Variants in DPF3 observed in about 807,000 individuals in gnomAD.
The protein encoded by DPF3 is zinc finger protein DPF3.
In DPF3, 18 loss-of-function variants were observed where a neutral mutation model predicts 56.8. That is an observed-to-expected ratio of 0.32 (90% confidence interval 0.22 to 0.47). DPF3 has a LOEUF of 0.47. Among genes scored for constraint, DPF3 ranks in the 20% least tolerant of loss-of-function variants. DPF3 has a pLI of 1.00. For synonymous variants in DPF3, 188 were observed against 180.2 expected (o/e 1.04, Z -0.35); for missense variants, 403 against 488.8 (o/e 0.82, Z 1.65).
Position 72,693,061 on chromosome 14 carries a change from C to T in DPF3, c.742+15G>A. On this transcript the variant is annotated intron_variant, in intron 7 of 10. Coordinates refer to ENST00000556509, the MANE Select transcript of DPF3 (RefSeq NM_001280542.3). ...CCACTTCTTCACTGCCCCAACCTAA[C>T]AAGTAGGCACTCACGCCTGTGGTTC... is the stretch of plus-strand genomic sequence containing the variant. The T allele has an allele frequency of 1.9e-6, 3 of 1,613,838 alleles. No individual in the cohort carries two copies. The highest frequency in any genetic ancestry group is 2.5e-6 in the Non-Finnish European group (3 of 1,179,806).
In DPF3 at chr14:72,610,203, G is replaced by C. The variant is rs1599297609; in HGVS notation, c.*9094C>G. ...TATCTGCAGGTCTAGAGACATCAAT[G>C]GAGGCAGCAATTGGAGATCTCAGTG... is the stretch of plus-strand genomic sequence containing the variant. On this transcript the variant is annotated 3_prime_UTR_variant, in exon 11 of 11. Transcript: ENST00000556509. Among the ~76,000 whole-genome samples, 2 of 152,354 alleles carry C rather than the reference G, an allele frequency of 1.3e-5. No individual in the cohort carries two copies. The highest frequency in any genetic ancestry group is 3.4e-3 in the Middle Eastern group (1 of 294).
intron 7 of DPF3, among the ~76,000 whole-genome samples, chr14:72,675,044 C>T (rs574508417): frequency 6.6e-6 from 1 of 152,350 alleles, no homozygotes; most frequent in Admixed American, 6.5e-5. Flanking sequence ...CTTCTAGGCA[C>T]TTGGCTCAGC....
chr14:72,684,729 G>T (rs539690690), intron 7 of DPF3, among the ~76,000 whole-genome samples: 36 of 152,228 alleles, frequency 2.4e-4, no homozygotes, highest in African/African-American at 8.7e-4. Context: ...AGTTAGTAAA[G>T]AGCTTTGAAG....
chr14:72,641,871 CACTGTGGTTTCTGTCTTG>C (rs1484499857), intron 8 of DPF3, among the ~76,000 whole-genome samples: 1 of 152,178 alleles, frequency 6.6e-6, no homozygotes, highest in Non-Finnish European at 1.5e-5. Flanking sequence ...TTATAAAAGG[CACTGTGGTTTCTGTCTTG>C]ACTGTGCACT....
intron 5 of DPF3, among the ~76,000 whole-genome samples, chr14:72,716,286 A>T (rs750400544): frequency 3.9e-5 from 6 of 151,916 alleles, no homozygotes; most frequent in Non-Finnish European, 8.8e-5. Context: ...CAGCAGAGTG[A>T]CTCTGTGCCA....
intron 1 of DPF3, among the ~76,000 whole-genome samples, chr14:72,841,349 T>A (rs1884535359): frequency 1.3e-5 from 2 of 152,108 alleles, no homozygotes; most frequent in Non-Finnish European, 2.9e-5. Flanking sequence ...CAGGGGAGCT[T>A]TGGAGTGTCT....
At chr14:72,661,217 CAGAAAACGTCAG>C (rs1301300069) in intron 8 of DPF3, 10 of 985,066 alleles carry the variant, frequency 1.0e-5, no homozygotes, top group Non-Finnish European at 1.2e-5. Flanking sequence ...CATTTTCTAC[CAGAAAACGTCAG>C]AGAAAAGGGC....
At chr14:72,679,855 C>T (rs538692427) in intron 7 of DPF3, among the ~76,000 whole-genome samples, 1 of 152,276 alleles carries the variant, frequency 6.6e-6, no homozygotes, top group African/African-American at 2.4e-5. Context: ...CCAGGCGGGA[C>T]GTGCTGGCTA....
intron 1 of DPF3, among the ~76,000 whole-genome samples, chr14:72,820,937 GC>G (rs1305536766): frequency 6.6e-6 from 1 of 151,982 alleles, no homozygotes; most frequent in Non-Finnish European, 1.5e-5. Flanking sequence ...TTCAAGACCA[GC>G]CTGGACAACA....
intron 1 of DPF3, among the ~76,000 whole-genome samples, chr14:72,823,253 T>C (rs1292632940): frequency 6.6e-6 from 1 of 152,208 alleles, no homozygotes; most frequent in Non-Finnish European, 1.5e-5. Context: ...CCCTAATTAC[T>C]AGCACAGCCA....
intron 9 of DPF3, among the ~76,000 whole-genome samples, chr14:72,628,373 C>G (rs1884959378): frequency 7.0e-6 from 1 of 143,318 alleles, no homozygotes; most frequent in Non-Finnish European, 1.6e-5. Context: ...AAGAATCAAG[C>G]ATTTTTTTCC....
chr14:72,772,039 T>C (rs752505200), intron 1 of DPF3, 146 bp from the exon 2 acceptor site: 42 of 895,934 alleles, frequency 4.7e-5, no homozygotes, highest in Non-Finnish European at 6.2e-5. Context: ...CCAAGAGCCT[T>C]GCCAATGAGC....
intron 9 of DPF3, among the ~76,000 whole-genome samples, chr14:72,624,581 C>T (rs914913604): frequency 1.4e-4 from 21 of 152,238 alleles, no homozygotes; most frequent in African/African-American, 4.1e-4. Flanking sequence ...TCAGGTAATC[C>T]GCCCGCCTCA....
chr14:72,704,842 A>T (rs1296736967), intron 6 of DPF3, among the ~76,000 whole-genome samples: 1 of 152,006 alleles, frequency 6.6e-6, no homozygotes, highest in Non-Finnish European at 1.5e-5. Context: ...TTTCTCTTTC[A>T]TTAAGTCTTC....
At chr14:72,699,171 A>G (rs1888045950) in intron 6 of DPF3, among the ~76,000 whole-genome samples, 1 of 152,162 alleles carries the variant, frequency 6.6e-6, no homozygotes, top group Non-Finnish European at 1.5e-5. Flanking sequence ...AGAACTCAGA[A>G]AACACCAGGA....
At chr14:72,777,692 T>G (rs1321682037) in intron 1 of DPF3, among the ~76,000 whole-genome samples, 1 of 152,160 alleles carries the variant, frequency 6.6e-6, no homozygotes, top group East Asian at 1.9e-4. Context: ...AGTGAGTTCT[T>G]GCAAGATCTG....
Position 72,734,701 on chromosome 14 carries a change from G to A in DPF3, c.302-2767C>T, listed in dbSNP as rs931944250. On this transcript the variant is annotated intron_variant, in intron 3 of 10. Coordinates refer to ENST00000556509, the MANE Select transcript of DPF3 (RefSeq NM_001280542.3). Reference sequence around the variant, plus strand: ...TTCAATCATCTCATTTTGTAGATGCGTCACCCGAGACCCTGAAAAGTTAAG... The same window carrying A: ...TTCAATCATCTCATTTTGTAGATGCATCACCCGAGACCCTGAAAAGTTAAG... Among the ~76,000 whole-genome samples, 15 of 152,084 alleles carry A rather than the reference G, an allele frequency of 9.9e-5. No individual in the cohort carries two copies. The South Asian group carries it at 1.5e-3, about 15-fold the overall frequency.
rs566416294 is a variant in DPF3 at position 72,887,464 on chromosome 14, G to A, written c.32+6593C>T. On this transcript the variant is annotated intron_variant, in intron 1 of 10. Transcript: ENST00000556509. ...CCCAGCTTAGAACCCCAAGAAGGGA[G>A]CACCATGTAGCAAGACTGAATCAGA... is the stretch of plus-strand genomic sequence containing the variant. 3.1e-4 allele frequency among the ~76,000 whole-genome samples: 47 copies of A among 152,294 alleles called. No homozygotes were observed. In the East Asian group the frequency reaches 8.3e-3, roughly 27 times the overall value.
chr14:72,884,506 C>T (rs565546943), intron 1 of DPF3, among the ~76,000 whole-genome samples: 2 of 152,202 alleles, frequency 1.3e-5, no homozygotes, highest in African/African-American at 4.8e-5. Flanking sequence ...TTTCCACATC[C>T]ATTATTTCAT....
Sources: gnomAD v4.1 joint callset for allele counts (sites outside exome capture counted in the v4.1 genomes callset) on GRCh38, gnomAD v4.1.1 for gene constraint, MANE v1.5 for transcripts, NCBI Gene and HGNC (gene_info 2026-07-23, HGNC 2026-07-21) for gene names.